DMD: variants seen among roughly 807,000 people sequenced by gnomAD.
The protein encoded by DMD is mutant dystrophin.
A neutral mutation model predicts 330.1 loss-of-function variants in DMD; 63 were observed. That is an observed-to-expected ratio of 0.19 (90% CI 0.16 to 0.24). The LOEUF (loss-of-function observed/expected upper bound fraction) is 0.24. Ranked by LOEUF, DMD falls within the 10% of genes least tolerant of loss-of-function variation. The pLI, the probability that DMD is intolerant of heterozygous loss-of-function variation, is 1.00. For synonymous variants in DMD, 1,223 were observed against 959.8 expected, an observed-to-expected ratio of 1.27 and a Z score of -5.07; for missense variants, 3,344 against 2,684.1, an observed-to-expected ratio of 1.25 and a Z score of -5.43.
At chrX:31,388,003 G>GTTT (rs1391433449) in intron 60 of DMD, among the ~76,000 whole-genome samples, 1 of 98,384 alleles carries the variant, frequency 1.0e-5, no homozygotes, top group Non-Finnish European at 2.1e-5. Context: ...TTGTTTTTCG[G>GTTT]TTTTTTTTTT....
At chrX:31,359,720 G>A (rs1209181085) in intron 60 of DMD, among the ~76,000 whole-genome samples, 2 of 111,858 alleles carry the variant, frequency 1.8e-5, no homozygotes, top group African/African-American at 6.5e-5. Flanking sequence ...GTCAGTGCCT[G>A]TCTCATAGTA....
chrX:31,573,240 T>G (rs2075916945), intron 55 of DMD, among the ~76,000 whole-genome samples: 1 of 111,900 alleles, frequency 8.9e-6, no homozygotes, highest in Non-Finnish European at 1.9e-5. Context: ...TCACTACTTT[T>G]TTACTGCAAA....
At chrX:31,700,046 C>T (rs1026779647) in intron 52 of DMD, among the ~76,000 whole-genome samples, 3 of 109,638 alleles carry the variant, frequency 2.7e-5, no homozygotes, top group African/African-American at 1.0e-4. Context: ...ATTAGCCAGG[C>T]GCAGTGGCAG....
chrX:31,322,079 G>A (rs992828342), intron 62 of DMD, among the ~76,000 whole-genome samples: 4 of 111,809 alleles, frequency 3.6e-5, no homozygotes, highest in African/African-American at 1.3e-4. Context: ...AAGGTGTCTT[G>A]AATTCTCCAG....
intron 55 of DMD, among the ~76,000 whole-genome samples, chrX:31,508,817 T>G (rs1431494910): frequency 9.0e-6 from 1 of 111,708 alleles, no homozygotes; most frequent in Non-Finnish European, 1.9e-5. Flanking sequence ...TGAATTAAAT[T>G]ACTCTGCTAA....
intron 8 of DMD, among the ~76,000 whole-genome samples, chrX:32,698,740 G>A (rs1422870814): frequency 9.0e-6 from 1 of 111,709 alleles, no homozygotes; most frequent in Non-Finnish European, 1.9e-5. Context: ...ATTAAAAACT[G>A]TATTTGCCTT....
At chrX:31,620,206 G>C (rs1369335340) in intron 55 of DMD, among the ~76,000 whole-genome samples, 1 of 111,038 alleles carries the variant, frequency 9.0e-6, no homozygotes, top group Non-Finnish European at 1.9e-5. Flanking sequence ...GGTAGAACAT[G>C]CTACGTTCAA....
At chrX:33,009,622 A>G (rs1320362859) in intron 2 of DMD, among the ~76,000 whole-genome samples, 1 of 59,138 alleles carries the variant, frequency 1.7e-5, no homozygotes, top group Non-Finnish European at 3.3e-5. Flanking sequence ...ATATGTGTGT[A>G]TGTGTGTATG....
intron 13 of DMD, among the ~76,000 whole-genome samples, chrX:32,591,003 AT>A (rs1325270140): frequency 9.0e-6 from 1 of 111,134 alleles, no homozygotes; most frequent in African/African-American, 3.3e-5. Context: ...GTCTTTATCC[AT>A]TCTTTATAAT....
intron 2 of DMD, among the ~76,000 whole-genome samples, chrX:32,916,597 T>C (rs747132329): frequency 1.8e-5 from 2 of 111,927 alleles, no homozygotes; most frequent in East Asian, 2.8e-4. Flanking sequence ...TGGTTTTATA[T>C]ACCTTACTAA....
chrX:31,326,240 C>T (rs920771406), intron 61 of DMD, among the ~76,000 whole-genome samples: 3 of 110,560 alleles, frequency 2.7e-5, no homozygotes, highest in Admixed American at 9.7e-5. Context: ...TTTATGTTTA[C>T]ATTAAAAGGG....
In DMD at chrX:32,910,410, A is replaced by G. The variant is rs2087119445; in HGVS notation, c.94-60590T>C. ...TGATCCCAGGTACATGTGGATGTTC[A>G]CCCCTAGAATGCAATTTCTTTTTCT... On this transcript the variant is annotated intron_variant, in intron 2 of 78. Transcript: ENST00000357033. 1.8e-5 allele frequency among the ~76,000 whole-genome samples: 2 copies of G among 111,109 alleles called. 1 individual carries two copies. Among genetic ancestry groups the G allele is most frequent in the Admixed American group, 1.9e-4 (2 of 10,403 alleles).
chrX:31,178,213 A>G (rs1468706578), intron 70 of DMD: 6 of 752,192 alleles, frequency 8.0e-6, no homozygotes, highest in African/African-American at 4.6e-5. Flanking sequence ...GATCTTGAGA[A>G]TCATTACTAC....
intron 53 of DMD, among the ~76,000 whole-genome samples, chrX:31,671,430 A>G (rs931175921): frequency 8.9e-6 from 1 of 112,271 alleles, no homozygotes; most frequent in African/African-American, 3.2e-5. Flanking sequence ...CAATCATGTT[A>G]ATATGTTGTT....
intron 43 of DMD, among the ~76,000 whole-genome samples, chrX:32,264,763 G>A (rs866599602): frequency 9.8e-5 from 11 of 111,829 alleles, no homozygotes; most frequent in East Asian, 2.8e-4. Flanking sequence ...GCCCCTGTCC[G>A]AGAGATCTGT....
chrX:31,160,626 T>C (rs2038695883), intron 74 of DMD, among the ~76,000 whole-genome samples: 2 of 111,833 alleles, frequency 1.8e-5, no homozygotes, highest in South Asian at 7.6e-4. Context: ...GCTAATCAGG[T>C]TTCTTCACTT....
At chrX:33,115,734 C>T (rs1314615670) in intron 1 of DMD, among the ~76,000 whole-genome samples, 1 of 109,363 alleles carries the variant, frequency 9.1e-6, no homozygotes, top group Non-Finnish European at 1.9e-5. Context: ...CCAGGATGGT[C>T]TCGATCTCCT....
rs927881726 is a variant in DMD, at chrX:31,738,920, T to C, written c.7543-9172A>G. ...CATAGAGAGTAGAAGGATGGTTACC[T>C]GAGGATGGGAAGGGTCGTGGGGAGG... On this transcript the variant is annotated intron_variant, in intron 51 of 78. Coordinates refer to ENST00000357033, the MANE Select transcript of DMD (RefSeq NM_004006.3). 2.7e-5 allele frequency among the ~76,000 whole-genome samples: 3 copies of C among 111,703 alleles called. No individual in the cohort carries two copies. The Admixed American group carries it at 2.9e-4, about 11-fold the overall frequency.
intron 2 of DMD, among the ~76,000 whole-genome samples, chrX:32,984,340 C>T (rs927196007): frequency 8.9e-6 from 1 of 112,334 alleles, no homozygotes; most frequent in Non-Finnish European, 1.9e-5. Flanking sequence ...CTGCAACTTC[C>T]GCCTCCCAGG....
Sources: gnomAD v4.1 joint callset for allele counts (sites outside exome capture counted in the v4.1 genomes callset) on GRCh38, gnomAD v4.1.1 for gene constraint, MANE v1.5 for transcripts, NCBI Gene and HGNC (gene_info 2026-07-23, HGNC 2026-07-21) for gene names.